UNC5A: variants seen among roughly 807,000 people sequenced by gnomAD.
UNC5A encodes unc-5 netrin receptor A.
In UNC5A, 20 loss-of-function variants were observed where a neutral mutation model predicts 87.4. That is an observed-to-expected ratio of 0.23 (90% confidence interval 0.16 to 0.33). The LOEUF (loss-of-function observed/expected upper bound fraction) is 0.33. UNC5A is among the 10% of genes least tolerant of loss of function. The pLI, the probability that UNC5A is intolerant of heterozygous loss-of-function variation, is 1.00. For missense variants in UNC5A, 844 were observed against 1,133.4 expected, an observed-to-expected ratio of 0.74 and a Z score of 3.67; for synonymous variants, 438 against 482.3, an observed-to-expected ratio of 0.91 and a Z score of 1.20.
chr5:176,811,048 G>A (rs1161629780), intron 1 of UNC5A, among the ~76,000 whole-genome samples: 1 of 152,192 alleles, frequency 6.6e-6, no homozygotes, highest in African/African-American at 2.4e-5. Context: ...GTCAGCCCGC[G>A]GGGCTGGCGA....
At chr5:176,821,868 G>A (rs1462728884) in intron 1 of UNC5A, among the ~76,000 whole-genome samples, 1 of 152,146 alleles carries the variant, frequency 6.6e-6, no homozygotes, top group African/African-American at 2.4e-5. Flanking sequence ...TTACCTCCTG[G>A]ACACCAGACT....
At chr5:176,831,714 C>T (rs1217023536) in intron 1 of UNC5A, among the ~76,000 whole-genome samples, 1 of 152,170 alleles carries the variant, frequency 6.6e-6, no homozygotes, top group African/African-American at 2.4e-5. Context: ...CCTCCCAGAG[C>T]TGACCCCTGG....
rs73804252 is a variant in UNC5A at position 176,860,966 on chromosome 5, G to A, written c.71-1658G>A. The stretch of plus-strand genomic sequence containing the variant: ...GGGCAGGCGCCCAGGGAGGGCCGGC[G>A]ACCCAGCAGCGGACAAACTGTCCGG... On this transcript the variant is annotated intron_variant, in intron 1 of 14. Coordinates refer to ENST00000329542, the MANE Select transcript of UNC5A (RefSeq NM_133369.3). 1.0e-2 allele frequency among the ~76,000 whole-genome samples: 1,515 copies of A among 152,200 alleles called. 27 individuals are homozygous for A. The highest frequency in any genetic ancestry group is 0.035 in the African/African-American group (1,444 of 41,520).
intron 1 of UNC5A, among the ~76,000 whole-genome samples, chr5:176,855,942 G>T (rs1370842432): frequency 1.3e-5 from 2 of 152,184 alleles, no homozygotes; most frequent in Non-Finnish European, 1.5e-5. Context: ...CCCTCGCTGT[G>T]TTCCTCAACC....
At chr5:176,831,204 G>A (rs1388861107) in intron 1 of UNC5A, among the ~76,000 whole-genome samples, 1 of 152,132 alleles carries the variant, frequency 6.6e-6, no homozygotes, top group African/African-American at 2.4e-5. Flanking sequence ...TTAATTACCT[G>A]CTGTCGCCAT....
At chr5:176,829,287 A>G (rs1581247896) in intron 1 of UNC5A, among the ~76,000 whole-genome samples, 1 of 40,350 alleles carries the variant, frequency 2.5e-5, no homozygotes, top group South Asian at 1.7e-3. Flanking sequence ...ATGGATGGAT[A>G]AAGTGGGTGG....
intron 6 of UNC5A, among the ~76,000 whole-genome samples, chr5:176,872,079 C>A (rs1316887510): frequency 1.4e-4 from 10 of 71,072 alleles, no homozygotes; most frequent in Admixed American, 3.0e-4. Flanking sequence ...ACACTCACCC[C>A]ACACCACAGC....
At chr5:176,860,068 G>A (rs1199556818) in intron 1 of UNC5A, among the ~76,000 whole-genome samples, 1 of 152,208 alleles carries the variant, frequency 6.6e-6, no homozygotes, top group African/African-American at 2.4e-5. Context: ...AGGCTGGAGG[G>A]CCGCACACCC....
intron 1 of UNC5A, among the ~76,000 whole-genome samples, chr5:176,829,449 AGTGGGTGGATGGTTGGGTGG>A (rs1158593110): frequency 3.5e-5 from 4 of 114,958 alleles, no homozygotes; most frequent in Non-Finnish European, 6.9e-5. Flanking sequence ...GGATGGATAA[AGTGGGTGGATGGTTGGGTGG>A]GTGGGTGGAT....
At position 176,838,394 on chromosome 5, in the gene UNC5A, C is replaced by T. The variant is rs1006323787; in HGVS notation, c.71-24230C>T. Among the ~76,000 whole-genome samples, 4 of 152,258 alleles carry T rather than the reference C, an allele frequency of 2.6e-5. No homozygotes were observed. The highest frequency in any genetic ancestry group is 9.6e-5 in the African/African-American group (4 of 41,468). Reference sequence around the variant, plus strand: ...TCCTGATCTGTCTTCCCAGTCTTGTCTTCTTACCTCTCCTCATGTTTCCTT... The same window carrying T: ...TCCTGATCTGTCTTCCCAGTCTTGTTTTCTTACCTCTCCTCATGTTTCCTT... On this transcript the variant is annotated intron_variant, in intron 1 of 14. Coordinates refer to ENST00000329542, the MANE Select transcript of UNC5A (RefSeq NM_133369.3). The surrounding 1 kb of genome is among the most constrained non-coding windows in gnomAD (Gnocchi z 4.2).
chr5:176,862,114 G>C lies in UNC5A; in HGVS notation c.71-510G>C, dbSNP rs540750470. On this transcript the variant is annotated intron_variant, in intron 1 of 14. Coordinates refer to ENST00000329542, the MANE Select transcript of UNC5A (RefSeq NM_133369.3). ...CAGACTCCCGGCTCTCGCCTTGCCC[G>C]TGCCCACCCCGCATGTTATTTCTGA... Among the ~76,000 whole-genome samples, 4 of 152,328 alleles carry C rather than the reference G, an allele frequency of 2.6e-5. No individual in the cohort carries two copies. The East Asian group carries it at 5.8e-4, about 22-fold the overall frequency.
intron 1 of UNC5A, among the ~76,000 whole-genome samples, chr5:176,854,186 C>G (rs1209533726): frequency 6.6e-6 from 1 of 152,134 alleles, no homozygotes; most frequent in Non-Finnish European, 1.5e-5. Context: ...TCTTACTGTG[C>G]CACCCAGATC....
At position 176,850,950 on chromosome 5, in the gene UNC5A, TCCAGTGCTCCCAGGACTTC is replaced by T. The variant is rs1457987746; in HGVS notation, c.71-11648_71-11630del. On this transcript the variant is annotated intron_variant, in intron 1 of 14. Coordinates refer to ENST00000329542, the MANE Select transcript of UNC5A (RefSeq NM_133369.3). Reference sequence around the variant, plus strand: ...GGACTTCCCAGTGCTCCCAGGACTTTCCAGTGCTCCCAGGACTTCCCAGTGCTCCCAGGACTTCCCAGTG... The same window carrying T: ...GGACTTCCCAGTGCTCCCAGGACTTTCCAGTGCTCCCAGGACTTCCCAGTG... Among the ~76,000 whole-genome samples the T allele has an allele frequency of 7.3e-3, 1,116 of 151,896 alleles. 12 individuals carry two copies. The highest frequency in any genetic ancestry group is 0.023 in the African/African-American group (938 of 41,356).
chr5:176,832,929 G>A (rs947516685), intron 1 of UNC5A, among the ~76,000 whole-genome samples: 4 of 152,200 alleles, frequency 2.6e-5, no homozygotes, highest in Admixed American at 1.3e-4. Flanking sequence ...GAACTGGATG[G>A]CCAGGGCTTG....
rs1758381510 is a variant in UNC5A, at chr5:176,880,151, C to G, written c.*265C>G. ...TGCCTGGAGCCTGGGCCAGGCCCAGCCCATCTGTGTGTGTGTATGTGCGTG... is the reference window on the plus strand; with the variant it reads ...TGCCTGGAGCCTGGGCCAGGCCCAGGCCATCTGTGTGTGTGTATGTGCGTG... On this transcript the variant is annotated 3_prime_UTR_variant, in exon 15 of 15. Coordinates refer to ENST00000329542, the MANE Select transcript of UNC5A (RefSeq NM_133369.3). 4.1e-6 allele frequency: 2 copies of G among 490,620 alleles called. No homozygotes were observed. The highest frequency in any genetic ancestry group is 1.9e-5 in the African/African-American group (1 of 51,448). 30.4% of individuals were successfully genotyped at this position (490,620 alleles called of 1,614,324 possible).
At chr5:176,870,807 C>T (rs1346116631) in intron 6 of UNC5A, among the ~76,000 whole-genome samples, 1 of 151,834 alleles carries the variant, frequency 6.6e-6, no homozygotes, top group African/African-American at 2.4e-5. Flanking sequence ...AGCTTCACAT[C>T]TGCCCACACT....
rs138066906 is a variant in UNC5A at position 176,879,724 on chromosome 5, T to A, written c.2367T>A (p.His789Gln). 5 of 1,612,278 alleles carry A rather than the reference T, an allele frequency of 3.1e-6. No individual in the cohort carries two copies. In the African/African-American group the frequency reaches 6.7e-5, roughly 22 times the overall value. Reference protein sequence around the residue: ...TLAQKLHLDSHLSFFASKPSP... With the variant: ...TLAQKLHLDSQLSFFASKPSP... ...ACGGCCCCCCTCCCCTCCACAGCCA[T>A]CTCAGCTTCTTTGCCTCCAAGCCCA... Residue 789 changes from histidine to glutamine, a missense_variant, in exon 15 of 15, where the codon CAT (histidine) becomes CAA (glutamine). Physicochemically the swap from His to Gln is conservative, Grantham distance 24. This residue lies in a region of UNC5A where 177 missense variants were observed against 279.4 expected (regional missense o/e 0.63). Transcript: ENST00000329542.
Position 176,824,144 on chromosome 5 carries a change from C to G in UNC5A, c.70+13324C>G, listed in dbSNP as rs1251705721. Among the ~76,000 whole-genome samples, 1 of 152,236 alleles carries G rather than the reference C, an allele frequency of 6.6e-6. No homozygotes were observed. Among genetic ancestry groups the G allele is most frequent in the Non-Finnish European group, 1.5e-5 (1 of 68,038 alleles). On this transcript the variant is annotated intron_variant, in intron 1 of 14. Transcript: ENST00000329542. This position sits in a 1 kb window ranked among gnomAD's most constrained non-coding sequence, Gnocchi z 4.2. ...CCCGCCTGGAGGCGGAGGTGCGGCC[C>G]CGATGCCTCCCGGGTTGGAGGCAGC... is the stretch of plus-strand genomic sequence containing the variant.
intron 1 of UNC5A, among the ~76,000 whole-genome samples, chr5:176,822,960 TG>T (rs1756764635): frequency 6.6e-6 from 1 of 151,698 alleles, no homozygotes; most frequent in African/African-American, 2.4e-5. Context: ...CAGTGAGCAG[TG>T]TTTAAGGAAG....
Sources: gnomAD v4.1 joint callset for allele counts (sites outside exome capture counted in the v4.1 genomes callset) on GRCh38, gnomAD v4.1.1 for gene constraint, gnomAD v4.1.1 regional missense constraint, Gnocchi (gnomAD v3.1) non-coding constraint, MANE v1.5 for transcripts, NCBI Gene and HGNC (gene_info 2026-07-23, HGNC 2026-07-21) for gene names.